Variants in MPND observed in about 807,000 individuals in gnomAD.
MPND encodes MPN domain-containing protein.
MPND carries 56 observed loss-of-function variants against 59.2 expected under a neutral mutation model. The observed-to-expected ratio is 0.95, with a 90% CI of 0.76 to 1.18. MPND has a LOEUF of 1.18. Among genes scored for constraint, MPND ranks in the 50% most tolerant of loss-of-function variants. The pLI, the probability that MPND is intolerant of heterozygous loss-of-function variation, is 0.00. For missense variants in MPND, 671 were observed against 676.0 expected (o/e 0.99, Z 0.08); for synonymous variants, 323 against 291.9 (o/e 1.11, Z -1.09).
chr19:4,353,112 ATCT>A (rs946219606), intron 4 of MPND, 83 bp downstream of exon 4: 11 of 1,143,282 alleles, frequency 9.6e-6, no homozygotes, highest in South Asian at 7.2e-5. Flanking sequence ...TTGGGCCTTG[ATCT>A]TCTCCTAGGG....
intron 3 of MPND, among the ~76,000 whole-genome samples, chr19:4,350,848 G>A (rs1421234748): frequency 2.0e-5 from 3 of 152,040 alleles, no homozygotes; most frequent in East Asian, 3.9e-4. Context: ...CCTGAGAGGG[G>A]ATGAGGCCAC....
In MPND at chr19:4,343,921, C is replaced by G; in HGVS notation, c.221C>G (p.Ala74Gly). 7.7e-7 allele frequency: 1 copy of G among 1,306,896 alleles called. No homozygotes were observed. Among genetic ancestry groups the G allele is most frequent in the East Asian group, 3.1e-5 (1 of 32,276 alleles). 81.0% of individuals were successfully genotyped at this position (1,306,896 alleles called of 1,614,324 possible). Residue 74 changes from alanine (A) to glycine (G), a missense_variant, in exon 2 of 13, where the codon GCG (alanine) becomes GGG (glycine). By Grantham distance (60) the Ala-to-Gly change is moderately conservative. Transcript: ENST00000599840. ...GGPGGALTRR[A>G]VTLRVLLKDA... The stretch of plus-strand genomic sequence containing the variant: ...CCCGGGGGCGCGCTCACCAGGCGCG[C>G]GGTCACACTGCGGGTGCTCCTCAAA...
chr19:4,354,190 G>T, intron 5 of MPND, 61 bp downstream of exon 5: 1 of 1,565,332 alleles, frequency 6.4e-7, no homozygotes, highest in East Asian at 2.3e-5. Context: ...GCTGGTCTTG[G>T]GGTAGCAAGG....
intron 2 of MPND, among the ~76,000 whole-genome samples, chr19:4,345,360 A>G (rs1599564592): frequency 6.6e-6 from 1 of 152,180 alleles, no homozygotes; most frequent in East Asian, 1.9e-4. Context: ...TATTATTACT[A>G]TTACTGTTGT....
At chr19:4,349,118 A>C (rs1207905054) in intron 3 of MPND, 2 of 159,698 alleles carry the variant, frequency 1.3e-5, no homozygotes, top group East Asian at 1.7e-4. Context: ...TCCAGGCTGG[A>C]GTGCAGTGCT....
chr19:4,347,241 A>G (rs1568395108), intron 3 of MPND: 2 of 139,744 alleles, frequency 1.4e-5, no homozygotes, highest in Non-Finnish European at 3.0e-5. Flanking sequence ...TTTCGTAGAT[A>G]TGTTTTTTTT....
intron 10 of MPND, 148 bp downstream of exon 10, chr19:4,357,733 C>A: frequency 1.3e-6 from 1 of 778,216 alleles, no homozygotes; most frequent in South Asian, 1.8e-5. Context: ...GACTGCTGCC[C>A]TGCCCATATT....
intron 3 of MPND, among the ~76,000 whole-genome samples, chr19:4,352,611 G>A (rs1972343606): frequency 6.6e-6 from 1 of 152,124 alleles, no homozygotes; most frequent in Admixed American, 6.5e-5. Flanking sequence ...TTGAACCCAG[G>A]AGGCAGAAGT....
At chr19:4,347,887 G>GTTT (rs931842889) in intron 3 of MPND, 5 of 152,790 alleles carry the variant, frequency 3.3e-5, no homozygotes, top group Middle Eastern at 2.7e-3. Flanking sequence ...TCCATATTGT[G>GTTT]TTTTTTTTTG....
In MPND at chr19:4,357,323, C is replaced by T. The variant is rs554929638; in HGVS notation, c.1067C>T (p.Ala356Val). Residue 356 changes from alanine to valine, a missense_variant, in exon 9 of 13, where the codon GCG (alanine) becomes GTG (valine). By Grantham distance (64) the Ala-to-Val change is moderately conservative. Transcript: ENST00000599840. ...TACCACAGCCACCCACACAGCCCGG[C>T]GCTGCCATCTCTGCAGGACATCGAC... ...GWYHSHPHSP[A>V]LPSLQDIDAQ... 2.7e-5 allele frequency: 43 copies of T among 1,613,154 alleles called. No homozygotes were observed. In the East Asian group the frequency reaches 4.0e-4, roughly 15 times the overall value.
intron 8 of MPND, among the ~76,000 whole-genome samples, chr19:4,356,434 A>G (rs1223537164): frequency 6.6e-6 from 1 of 152,082 alleles, no homozygotes; most frequent in African/African-American, 2.4e-5. Context: ...AGTCCCATCT[A>G]TTTGAGAGGC....
chr19:4,352,565 C>T (rs139965365), intron 3 of MPND, among the ~76,000 whole-genome samples: 4,089 of 151,220 alleles, frequency 0.027, 181 homozygotes, highest in African/African-American at 0.094. Flanking sequence ...ATGCCTGTAA[C>T]CCCAGCTACT....
intron 10 of MPND, 55 bp from the exon 11 acceptor site, chr19:4,358,028 C>T: frequency 6.9e-7 from 1 of 1,443,286 alleles, no homozygotes; most frequent in South Asian, 1.2e-5. Context: ...TTGTCCCCAG[C>T]TGCCATGGGC....
At chr19:4,350,206 G>A (rs577433622) in intron 3 of MPND, among the ~76,000 whole-genome samples, 2 of 152,130 alleles carry the variant, frequency 1.3e-5, no homozygotes, top group Non-Finnish European at 2.9e-5. Flanking sequence ...GACCGTGCCT[G>A]GTGTGTTGGA....
intron 3 of MPND, among the ~76,000 whole-genome samples, chr19:4,351,851 G>C (rs1232407962): frequency 9.8e-6 from 1 of 102,284 alleles, no homozygotes; most frequent in African/African-American, 3.7e-5. Context: ...GACAGAGTGA[G>C]ACTCTGTCTC....
At chr19:4,350,381 C>T (rs1325504519) in intron 3 of MPND, among the ~76,000 whole-genome samples, 1 of 151,722 alleles carries the variant, frequency 6.6e-6, no homozygotes, top group Non-Finnish European at 1.5e-5. Flanking sequence ...GTGTTGCAGG[C>T]AGAGGAAGGA....
intron 2 of MPND, among the ~76,000 whole-genome samples, chr19:4,344,383 C>T (rs1972139481): frequency 6.6e-6 from 1 of 150,976 alleles, no homozygotes; most frequent in African/African-American, 2.4e-5. Context: ...AACTGAGGCC[C>T]AGAGCTCCTT....
At chr19:4,353,911 C>G in intron 4 of MPND, 134 bp from the exon 5 acceptor site, 1 of 716,382 alleles carries the variant, frequency 1.4e-6, no homozygotes, top group Non-Finnish European at 2.4e-6. Context: ...TCCCTGCAGC[C>G]TCAACCTCCC....
At chr19:4,347,127 A>T (rs1972202436) in intron 3 of MPND, 1 of 151,842 alleles carries the variant, frequency 6.6e-6, no homozygotes, top group African/African-American at 2.4e-5. Context: ...CAGATGCTGT[A>T]GTCTTGTGGC....
Sources: allele counts gnomAD v4.1 joint callset (sites outside exome capture counted in the v4.1 genomes callset), GRCh38; gene constraint gnomAD v4.1.1; transcripts MANE v1.5; gene names NCBI Gene and HGNC (gene_info 2026-07-23, HGNC 2026-07-21).